The following GPHN variants were observed in gnomAD, a reference collection of about 807,000 sequenced individuals.
The protein encoded by GPHN is gephyrin.
A neutral mutation model predicts 95.5 loss-of-function variants in GPHN; 17 were observed. The ratio of observed to expected loss-of-function variants is 0.18; its 90% CI spans 0.12 to 0.27. The LOEUF (loss-of-function observed/expected upper bound fraction) is 0.27. Ranked by LOEUF, GPHN falls within the 10% of genes least tolerant of loss-of-function variation. GPHN has a pLI of 1.00. For synonymous variants in GPHN, 320 were observed against 322.5 expected, an observed-to-expected ratio of 0.99 and a Z score of 0.08; for missense variants, 660 against 978.1, an observed-to-expected ratio of 0.67 and a Z score of 4.34.
At position 66,669,034 on chromosome 14, in the gene GPHN, G is replaced by A. The variant is rs116244810; in HGVS notation, c.65-12073G>A. Among the ~76,000 whole-genome samples, 87 of 151,736 alleles carry A rather than the reference G, an allele frequency of 5.7e-4. 3 individuals are homozygous for A. Among genetic ancestry groups the A allele is most frequent in the African/African-American group, 2.1e-3 (85 of 41,422 alleles). ...TAGCAGGGATTACAGGCAGGGTTTG[G>A]CTATGTTAGCTAGGCCGGTCCTTTC... On this transcript the variant is annotated intron_variant, in intron 1 of 22. Coordinates refer to ENST00000478722, the MANE Select transcript of GPHN (RefSeq NM_020806.5).
chr14:67,557,249 G>A, the GPHN span: 6 of 1,610,946 alleles, frequency 3.7e-6, no homozygotes, highest in African/African-American at 4.0e-5. Context: ...AAGACACTAT[G>A]AGATCATTGT....
At chr14:67,578,737 G>C in the GPHN span, 3 of 761,950 alleles carry the variant, frequency 3.9e-6, no homozygotes, top group Admixed American at 6.0e-5. This position sits in a 1 kb window ranked among gnomAD's most constrained non-coding sequence, Gnocchi z 5.0. Context: ...CCTGTCCTCT[G>C]AAACCGCTCA....
chr14:67,575,958 A>C, the GPHN span: 7 of 1,613,998 alleles, frequency 4.3e-6, no homozygotes, highest in Non-Finnish European at 5.9e-6. Context: ...GATCCACCCC[A>C]CAGAGCACAG....
At chr14:66,833,090 G>T (rs1174054827) in intron 4 of GPHN, among the ~76,000 whole-genome samples, 1 of 152,098 alleles carries the variant, frequency 6.6e-6, no homozygotes, top group Non-Finnish European at 1.5e-5. Flanking sequence ...GAGATTTACT[G>T]TATTAGTCTG....
the GPHN span, among the ~76,000 whole-genome samples, chr14:67,416,073 G>A: frequency 6.6e-6 from 1 of 152,162 alleles, no homozygotes; most frequent in African/African-American, 2.4e-5. Context: ...AAACCACCAT[G>A]GCACACATTT....
chr14:67,574,365 G>T, the GPHN span: 4 of 1,592,658 alleles, frequency 2.5e-6, no homozygotes, highest in Non-Finnish European at 3.4e-6. The surrounding 1 kb of genome is among the most constrained non-coding windows in gnomAD (Gnocchi z 4.2). Context: ...TCTGCTTCGG[G>T]GTGGCACCAA....
chr14:67,224,248 T>G, the GPHN span, among the ~76,000 whole-genome samples: 1 of 149,786 alleles, frequency 6.7e-6, no homozygotes, highest in African/African-American at 2.5e-5. Flanking sequence ...CTGAGTTCAT[T>G]TCTCTCTTTT....
chr14:67,330,154 A>AATAATT, the GPHN span, among the ~76,000 whole-genome samples: 2 of 105,728 alleles, frequency 1.9e-5, no homozygotes, highest in Non-Finnish European at 3.4e-5. Flanking sequence ...TAATAATAAT[A>AATAATT]ATTATTATTA....
the GPHN span, among the ~76,000 whole-genome samples, chr14:67,188,033 G>A: frequency 6.6e-6 from 1 of 152,178 alleles, no homozygotes; most frequent in East Asian, 1.9e-4. Flanking sequence ...TTACTGAGCT[G>A]ACCAAAAGAA....
intron 4 of GPHN, among the ~76,000 whole-genome samples, chr14:66,870,363 A>G (rs927415359): frequency 2.6e-5 from 4 of 152,176 alleles, no homozygotes; most frequent in Non-Finnish European, 5.9e-5. Context: ...TCTATGCCCA[A>G]ATTCTTCAGA....
At chr14:66,655,311 C>T (rs1595422925) in intron 1 of GPHN, among the ~76,000 whole-genome samples, 1 of 152,266 alleles carries the variant, frequency 6.6e-6, no homozygotes, top group East Asian at 1.9e-4. Context: ...TTTCAGCACG[C>T]AAGCCCTACA....
chr14:66,518,269 A>C (rs1448724016), intron 1 of GPHN, among the ~76,000 whole-genome samples: 1 of 152,136 alleles, frequency 6.6e-6, no homozygotes, highest in Non-Finnish European at 1.5e-5. Flanking sequence ...GGAAAATGCA[A>C]ATCAAAACCA....
intron 2 of GPHN, among the ~76,000 whole-genome samples, chr14:66,712,419 G>C (rs1375196394): frequency 6.6e-6 from 1 of 152,034 alleles, no homozygotes; most frequent in Non-Finnish European, 1.5e-5. Flanking sequence ...TCCTTTGCCC[G>C]CTTGTTGATG....
the GPHN span, among the ~76,000 whole-genome samples, chr14:67,470,004 C>T: frequency 7.2e-5 from 11 of 152,266 alleles, no homozygotes; most frequent in Non-Finnish European, 1.2e-4. Flanking sequence ...TGCCTGGGAG[C>T]GTGGCACCAA....
chr14:66,632,623 G>C (rs1181379135), intron 1 of GPHN, among the ~76,000 whole-genome samples: 1 of 151,278 alleles, frequency 6.6e-6, no homozygotes, highest in Non-Finnish European at 1.5e-5. Context: ...CTCCTGAGTA[G>C]CTGGGACTGC....
intron 1 of GPHN, chr14:66,551,242 A>G (rs1443557661): frequency 6.6e-6 from 1 of 152,242 alleles, no homozygotes; most frequent in Non-Finnish European, 1.5e-5. Context: ...ACAGTATTGT[A>G]TAAACAAACA....
the GPHN span, among the ~76,000 whole-genome samples, chr14:67,452,521 G>A: frequency 6.6e-6 from 1 of 152,168 alleles, no homozygotes; most frequent in African/African-American, 2.4e-5. Flanking sequence ...TTTATCAGCA[G>A]CATGAAAATG....
At position 66,696,015 on chromosome 14, in the gene GPHN, A is replaced by T. The variant is rs78899592; in HGVS notation, c.143+14830A>T. On this transcript the variant is annotated intron_variant, in intron 2 of 22. Transcript: ENST00000478722. Reference sequence around the variant, plus strand: ...ATGTAAACTGTGGACTTTGGGTGATAATGATGTGTCAGTGGAGGTTTATCA... The same window carrying T: ...ATGTAAACTGTGGACTTTGGGTGATTATGATGTGTCAGTGGAGGTTTATCA... 1.3e-3 allele frequency among the ~76,000 whole-genome samples: 196 copies of T among 152,312 alleles called. 4 individuals are homozygous for T. The East Asian group carries it at 0.035, about 27-fold the overall frequency.
At chr14:66,807,329 C>T (rs927437313) in intron 3 of GPHN, among the ~76,000 whole-genome samples, 1 of 152,166 alleles carries the variant, frequency 6.6e-6, no homozygotes, top group African/African-American at 2.4e-5. Context: ...ATATCATCCT[C>T]ATAACAAACA....
Sources: allele counts gnomAD v4.1 joint callset (sites outside exome capture counted in the v4.1 genomes callset), GRCh38; gene constraint gnomAD v4.1.1; non-coding constraint Gnocchi (gnomAD v3.1); transcripts MANE v1.5; gene names NCBI Gene and HGNC (gene_info 2026-07-23, HGNC 2026-07-21).